Variants in ZNF738 observed in about 807,000 individuals in gnomAD.
ZNF738 encodes protein ZNF738.
Under a neutral mutation model 9.2 loss-of-function variants are expected in ZNF738, and 10 were observed. The observed-to-expected ratio is 1.09, with a 90% CI of 0.67 to 1.85. The LOEUF (loss-of-function observed/expected upper bound fraction) is 1.85, where lower values mean the gene tolerates loss of function less well. Ranked by LOEUF, ZNF738 falls within the 40% of genes most tolerant of loss-of-function variation. The pLI is 0.00. For missense variants in ZNF738, 346 were observed against 283.6 expected, an observed-to-expected ratio of 1.22 and a Z score of -1.58; for synonymous variants, 113 against 94.5, an observed-to-expected ratio of 1.20 and a Z score of -1.14.
At chr19:21,375,527 A>G (rs1973916471) in intron 3 of ZNF738, among the ~76,000 whole-genome samples, 163 bp downstream of exon 3, 1 of 152,170 alleles carries the variant, frequency 6.6e-6, no homozygotes, top group East Asian at 1.9e-4. Flanking sequence ...AATTTCCTCA[A>G]GATGTTTTAT....
chr19:21,381,662 T>A, intron 4 of ZNF738: 1 of 431,230 alleles, frequency 2.3e-6, no homozygotes. Context: ...CCTGGCTGAT[T>A]TTTTGTATTT....
At chr19:21,381,473 A>G in intron 4 of ZNF738, 1 of 1,185,998 alleles carries the variant, frequency 8.4e-7, no homozygotes, top group Non-Finnish European at 1.3e-6. Context: ...TTTTACACCT[A>G]CAAGCTCAGG....
intron 2 of ZNF738, among the ~76,000 whole-genome samples, chr19:21,371,495 T>C (rs1165424179): frequency 6.6e-6 from 1 of 152,242 alleles, no homozygotes; most frequent in East Asian, 1.9e-4. Flanking sequence ...TCAAGTTTTC[T>C]GGTACTAGGG....
At chr19:21,377,281 T>G (rs1973941137) in intron 4 of ZNF738, 1 of 521,832 alleles carries the variant, frequency 1.9e-6, no homozygotes, top group African/African-American at 2.0e-5. Flanking sequence ...CACTCCAGCC[T>G]GGGTAACAAG....
chr19:21,383,348 G>A lies in ZNF738; in HGVS notation c.802G>A (p.Gly268Ser). 8.1e-7 allele frequency: 1 copy of A among 1,239,226 alleles called. No individual in the cohort carries two copies. The highest frequency in any genetic ancestry group is 2.0e-4 in the Middle Eastern group (1 of 5,124). The allele number at this position is 1,239,226 out of a possible 1,614,324, so 76.8% of individuals were successfully genotyped here. ...CTACAAACATGAAGAATGTGGAAAA[G>A]GTTTTAACCACTCCACAACTCTTAC... ...KSYKHEECGK[G>S]FNHSTTLTRH... Residue 268 changes from glycine to serine, a missense_variant, in exon 5 of 5, where the codon GGT (glycine) becomes AGT (serine). Coordinates refer to ENST00000683779, the MANE Select transcript of ZNF738 (RefSeq NM_001355237.2).
At chr19:21,377,535 A>C (rs764706971) in intron 4 of ZNF738, 52 of 468,528 alleles carry the variant, frequency 1.1e-4, no homozygotes, top group Non-Finnish European at 1.6e-4. Flanking sequence ...CACACACACA[A>C]AATTTGTCAT....
At chr19:21,366,058 G>A (rs1181753657) in intron 2 of ZNF738, among the ~76,000 whole-genome samples, 3 of 152,118 alleles carry the variant, frequency 2.0e-5, no homozygotes, top group Admixed American at 2.0e-4. Flanking sequence ...GCCGCTTCTT[G>A]GTAGCAAAAG....
Position 21,359,038 on chromosome 19 carries a change from C to G in ZNF738, c.-103C>G. On this transcript the variant is annotated 5_prime_UTR_variant, in exon 1 of 5. Coordinates refer to ENST00000683779, the MANE Select transcript of ZNF738 (RefSeq NM_001355237.2). The stretch of plus-strand genomic sequence containing the variant: ...GCTGGAACTCCGGGTCTCGTCTTCA[C>G]TGCTCTGTGTCCTCTGCTCCTAGAG... 2 of 812,166 alleles carry G rather than the reference C, an allele frequency of 2.5e-6. No homozygotes were observed. The highest frequency in any genetic ancestry group is 2.5e-5 in the East Asian group (1 of 39,648). The allele number at this position is 812,166 out of a possible 1,614,324, so 50.3% of individuals were successfully genotyped here.
intron 4 of ZNF738, chr19:21,378,123 C>T (rs1402304193): frequency 2.5e-6 from 1 of 395,076 alleles, no homozygotes; most frequent in African/African-American, 2.1e-5. Context: ...TTTCTCATTA[C>T]ATATGTTCTC....
chr19:21,363,994 C>A (rs906866822), intron 2 of ZNF738, among the ~76,000 whole-genome samples: 1 of 149,088 alleles, frequency 6.7e-6, no homozygotes, highest in African/African-American at 2.5e-5. Flanking sequence ...GTCAGGAGTT[C>A]GAGACCAGCC....
intron 2 of ZNF738, among the ~76,000 whole-genome samples, chr19:21,373,395 TTCC>T (rs1973881455): frequency 6.6e-6 from 1 of 152,218 alleles, no homozygotes; most frequent in Non-Finnish European, 1.5e-5. Context: ...GAGAGTTAAG[TTCC>T]ACCTTTGCAC....
chr19:21,364,196 CA>C (rs60889988), intron 2 of ZNF738, among the ~76,000 whole-genome samples: 3 of 89,954 alleles, frequency 3.3e-5, no homozygotes, highest in African/African-American at 1.3e-4. Flanking sequence ...GAATCCGTCT[CA>C]AAAAAAAAAA....
rs745696179 is a variant in ZNF738, at chr19:21,359,127, C to G, written c.-14C>G. ...TCCACAGCTAAGACGCCGGGACACCCTGGAAGCCTAGAAATGGTGAGAGTG... is the reference window on the plus strand; with the variant it reads ...TCCACAGCTAAGACGCCGGGACACCGTGGAAGCCTAGAAATGGTGAGAGTG... On this transcript the variant is annotated 5_prime_UTR_variant, in exon 1 of 5. Transcript: ENST00000683779. 5.8e-6 allele frequency: 6 copies of G among 1,026,450 alleles called. No homozygotes were observed. The highest frequency in any genetic ancestry group is 9.3e-6 in the Non-Finnish European group (6 of 645,778). 63.6% of individuals were successfully genotyped at this position (1,026,450 alleles called of 1,614,324 possible). A position where few individuals can be genotyped will look rare whatever the true frequency, so the allele number is the denominator to read the frequency against.
At chr19:21,372,813 C>T (rs1303793291) in intron 2 of ZNF738, 5 of 152,174 alleles carry the variant, frequency 3.3e-5, no homozygotes, top group Non-Finnish European at 7.3e-5. Flanking sequence ...ATAGTACCTG[C>T]TTAATAAACA....
chr19:21,378,606 C>CTTTTTT (rs11352402), intron 4 of ZNF738: 15 of 263,638 alleles, frequency 5.7e-5, no homozygotes, highest in Non-Finnish European at 7.9e-5. Context: ...AATAATATCA[C>CTTTTTT]TTTTTTTTTT....
intron 2 of ZNF738, among the ~76,000 whole-genome samples, chr19:21,370,666 T>G (rs1973843996): frequency 6.6e-6 from 1 of 152,204 alleles, no homozygotes; most frequent in Non-Finnish European, 1.5e-5. Flanking sequence ...CCAGATGAAG[T>G]CTCTACTTAT....
In ZNF738 at chr19:21,361,774, G is replaced by T. The variant is rs768755907; in HGVS notation, c.12G>T (p.Leu4=). ...TTTATTTTCTCCCATAGGACGACCTGAGGTATGGAGTGTATCCTGTCAAGG... is the reference window on the plus strand; with the variant it reads ...TTTATTTTCTCCCATAGGACGACCTTAGGTATGGAGTGTATCCTGTCAAGG... MDD[L]RYGVYPVKGA... is the part of the protein sequence containing the mutation. The change falls in exon 2 of 5, where the codon CTG becomes CTT. Residue 4 remains leucine (L), a synonymous_variant. Transcript: ENST00000683779. The T allele has an allele frequency of 6.4e-6, 5 of 780,592 alleles. No individual in the cohort carries two copies. The highest frequency in any genetic ancestry group is 9.6e-6 in the Non-Finnish European group (4 of 417,976). The allele number at this position is 780,592 out of a possible 1,614,324, so 48.4% of individuals were successfully genotyped here.
intron 2 of ZNF738, among the ~76,000 whole-genome samples, chr19:21,369,197 G>C (rs184347122): frequency 1.3e-5 from 2 of 152,242 alleles, no homozygotes; most frequent in Admixed American, 1.3e-4. Flanking sequence ...AACCTCCAAG[G>C]CTCAAGGTTT....
chr19:21,368,686 G>A (rs1172731419), intron 2 of ZNF738, among the ~76,000 whole-genome samples: 2 of 151,838 alleles, frequency 1.3e-5, no homozygotes, highest in Non-Finnish European at 2.9e-5. Context: ...TTGATTTCCT[G>A]ACCTTGTGAT....
Sources: gnomAD v4.1 joint callset for allele counts (sites outside exome capture counted in the v4.1 genomes callset) on GRCh38, gnomAD v4.1.1 for gene constraint, MANE v1.5 for transcripts, NCBI Gene and HGNC (gene_info 2026-07-23, HGNC 2026-07-21) for gene names.